TLE4: variants seen among roughly 807,000 people sequenced by gnomAD.
TLE4 encodes the protein TLE family member 4, transcriptional corepressor.
In TLE4, 8 loss-of-function variants were observed where a neutral mutation model predicts 92.8. That is an observed-to-expected ratio of 0.09 (90% CI 0.05 to 0.16). The LOEUF is 0.16. Among genes scored for constraint, TLE4 ranks in the 10% least tolerant of loss-of-function variants. The probability of loss-of-function intolerance (pLI) is 1.00; values close to 1 mark genes in which losing one functional copy is unlikely to be tolerated. For synonymous variants in TLE4, 371 were observed against 374.1 expected, an observed-to-expected ratio of 0.99 and a Z score of 0.10; for missense variants, 675 against 997.6, an observed-to-expected ratio of 0.68 and a Z score of 4.36.
intron 6 of TLE4, among the ~76,000 whole-genome samples, chr9:79,631,561 C>T (rs549066957): frequency 7.3e-5 from 11 of 151,260 alleles, no homozygotes; most frequent in East Asian, 3.9e-4. Context: ...AATACCTTTG[C>T]GGTCCCCCCC....
intron 8 of TLE4, among the ~76,000 whole-genome samples, chr9:79,699,782 T>A (rs2069265350): frequency 6.6e-6 from 1 of 152,180 alleles, no homozygotes; most frequent in African/African-American, 2.4e-5. Flanking sequence ...GCATTTGAAA[T>A]CAAATTAGAA....
chr9:79,680,715 G>C (rs1418116803), intron 8 of TLE4, among the ~76,000 whole-genome samples: 1 of 152,168 alleles, frequency 6.6e-6, no homozygotes, highest in Non-Finnish European at 1.5e-5. Context: ...AGTTTTCAAA[G>C]GGAATGCTTC....
intron 4 of TLE4, among the ~76,000 whole-genome samples, chr9:79,607,841 C>T (rs1673270216): frequency 6.6e-6 from 1 of 152,006 alleles, no homozygotes; most frequent in African/African-American, 2.4e-5. Flanking sequence ...ATGGTGCCTC[C>T]AGCTTTGTTC....
At chr9:79,594,745 A>G (rs2043536463) in intron 4 of TLE4, among the ~76,000 whole-genome samples, 2 of 152,196 alleles carry the variant, frequency 1.3e-5, no homozygotes, top group African/African-American at 2.4e-5. Flanking sequence ...CCCTCCCCAT[A>G]TTGACCTCTT....
chr9:79,664,539 A>G (rs891890017), intron 8 of TLE4, among the ~76,000 whole-genome samples: 1 of 152,206 alleles, frequency 6.6e-6, no homozygotes, highest in Non-Finnish European at 1.5e-5. Context: ...ATCTGTTAGT[A>G]ACCTAGTCTG....
At chr9:79,592,225 T>TTCC (rs2042822959) in intron 4 of TLE4, among the ~76,000 whole-genome samples, 1 of 122,960 alleles carries the variant, frequency 8.1e-6, no homozygotes, top group South Asian at 2.4e-4. Context: ...CCTCTTCTTC[T>TTCC]TCTTCTTCTT....
rs775659818 is a variant in TLE4 at position 79,722,991 on chromosome 9, C to G, written c.2170C>G (p.Leu724Val). ...KWFVSTGKDNLLNAWRTPYGA... is the reference protein window; with the variant it reads ...KWFVSTGKDNVLNAWRTPYGA... ...GTTTGTAAGCACTGGAAAGGACAAC[C>G]TTCTGAATGCCTGGAGAACACCTTA... Residue 724 changes from leucine to valine, a missense_variant, in exon 19 of 20, where the codon CTT (leucine) becomes GTT (valine). By Grantham distance (32) the Leu-to-Val change is conservative. Coordinates refer to ENST00000376552, the MANE Select transcript of TLE4 (RefSeq NM_007005.6). The G allele has an allele frequency of 3.1e-6, 5 of 1,614,150 alleles. No individual in the cohort carries two copies. The South Asian group carries it at 3.3e-5, about 11-fold the overall frequency.
intron 6 of TLE4, among the ~76,000 whole-genome samples, chr9:79,643,180 C>T (rs1021008893): frequency 6.6e-6 from 1 of 152,166 alleles, no homozygotes; most frequent in Non-Finnish European, 1.5e-5. Flanking sequence ...ATACTCGTCA[C>T]CTAGATTTAC....
At chr9:79,627,259 G>A (rs1483160522) in intron 5 of TLE4, 115 bp from the exon 6 acceptor site, 8 of 1,026,104 alleles carry the variant, frequency 7.8e-6, no homozygotes. Flanking sequence ...GAAACCTGGA[G>A]ATCCCCCAAA....
chr9:79,573,389 C>G, intron 1 of TLE4: 2 of 1,177,716 alleles, frequency 1.7e-6, no homozygotes, highest in Non-Finnish European at 2.1e-6. Flanking sequence ...GGAGTGGGCG[C>G]GGCGCGCGGG....
chr9:79,585,497 T>TA (rs1207414005), intron 4 of TLE4, among the ~76,000 whole-genome samples: 1 of 152,198 alleles, frequency 6.6e-6, no homozygotes, highest in African/African-American at 2.4e-5. Context: ...CTGGCCTTGC[T>TA]AGTCACCAGC....
At chr9:79,709,526 A>G in intron 13 of TLE4, 97 bp from the exon 14 acceptor site, 1 of 989,146 alleles carries the variant, frequency 1.0e-6, no homozygotes, top group African/African-American at 1.6e-5. Flanking sequence ...TTTTTAAAGG[A>G]TCTATTCTCC....
chr9:79,715,956 A>G (rs561130726), intron 14 of TLE4, among the ~76,000 whole-genome samples: 1 of 152,194 alleles, frequency 6.6e-6, no homozygotes, highest in Admixed American at 6.5e-5. Flanking sequence ...TTTCCAACTT[A>G]CCACTATCTC....
chr9:79,576,207 T>G, intron 4 of TLE4, 30 bp downstream of exon 4: 2 of 1,485,818 alleles, frequency 1.3e-6, no homozygotes, highest in South Asian at 2.7e-5. Flanking sequence ...CCATTTTAAA[T>G]GACAGTAATA....
chr9:79,596,509 C>A (rs2044057666), intron 4 of TLE4, among the ~76,000 whole-genome samples: 1 of 152,184 alleles, frequency 6.6e-6, no homozygotes, highest in African/African-American at 2.4e-5. Flanking sequence ...TTGTCTTCTG[C>A]CACTGTACCA....
At chr9:79,666,579 G>T (rs2061446932) in intron 8 of TLE4, among the ~76,000 whole-genome samples, 1 of 152,056 alleles carries the variant, frequency 6.6e-6, no homozygotes, top group Non-Finnish European at 1.5e-5. Flanking sequence ...TCTCTGTCAT[G>T]TTCCTATGTA....
chr9:79,596,465 G>C (rs2044044038), intron 4 of TLE4, among the ~76,000 whole-genome samples: 1 of 152,184 alleles, frequency 6.6e-6, no homozygotes, highest in Non-Finnish European at 1.5e-5. Flanking sequence ...GGCTAGGCCT[G>C]TGAGCTCACT....
intron 4 of TLE4, among the ~76,000 whole-genome samples, chr9:79,587,193 A>G (rs565203793): frequency 5.9e-5 from 9 of 152,302 alleles, no homozygotes; most frequent in Admixed American, 5.9e-4. Context: ...GAGTGGTTTA[A>G]TTTTTTCATT....
intron 8 of TLE4, chr9:79,668,825 C>CT: frequency 1.0e-6 from 1 of 985,340 alleles, no homozygotes; most frequent in Non-Finnish European, 1.2e-6. Context: ...TGGAGAGTAG[C>CT]TCAGCTGTTG....
Sources: gnomAD v4.1 joint callset for allele counts (sites outside exome capture counted in the v4.1 genomes callset) on GRCh38, gnomAD v4.1.1 for gene constraint, MANE v1.5 for transcripts, NCBI Gene and HGNC (gene_info 2026-07-23, HGNC 2026-07-21) for gene names.